Variants in CBLB observed in about 807,000 individuals in gnomAD.
CBLB encodes Cbl proto-oncogene B.
In CBLB, 31 loss-of-function variants were observed where a neutral mutation model predicts 104.9. That is an observed-to-expected ratio of 0.30 (90% CI 0.22 to 0.40). The LOEUF (loss-of-function observed/expected upper bound fraction) is 0.40. Among genes scored for constraint, CBLB ranks in the 10% least tolerant of loss-of-function variants. CBLB has a pLI of 1.00. For synonymous variants in CBLB, 440 were observed against 422.6 expected (o/e 1.04, Z -0.51); for missense variants, 1,062 against 1,214.6 (o/e 0.87, Z 1.87).
intron 5 of CBLB, 26 bp from the exon 6 acceptor site, chr3:105,746,064 AT>A: frequency 6.8e-7 from 1 of 1,461,114 alleles, no homozygotes; most frequent in Non-Finnish European, 9.6e-7. Flanking sequence ...ATTAAAAGAG[AT>A]TAGTATCTAG....
chr3:105,771,091 AC>A (rs897640575), intron 4 of CBLB, among the ~76,000 whole-genome samples: 2 of 152,158 alleles, frequency 1.3e-5, no homozygotes, highest in Non-Finnish European at 2.9e-5. Flanking sequence ...AAAAGACATA[AC>A]AACAACAAAC....
At chr3:105,678,825 C>A (rs934720755) in intron 16 of CBLB, among the ~76,000 whole-genome samples, 11 of 152,126 alleles carry the variant, frequency 7.2e-5, no homozygotes, top group South Asian at 6.2e-4. Flanking sequence ...TTCTATCAGG[C>A]CTTTTTATAA....
In CBLB at chr3:105,670,319, G is replaced by C. The variant is rs753760778; in HGVS notation, c.2603C>G (p.Pro868Arg). ...TGGTAACCTTCTAGCAGGAGGCAAA[G>C]GAACTTGGCCACTTGCTAGATCAAC... is the stretch of plus-strand genomic sequence containing the variant. Reference protein sequence around the residue: ...PFVDLASGQVPLPPARRLPGE... With the variant: ...PFVDLASGQVRLPPARRLPGE... The change falls in exon 18 of 19, where the codon CCT becomes CGT. Residue 868 changes from proline (P) to arginine (R), a missense_variant. Coordinates refer to ENST00000394030, the MANE Select transcript of CBLB (RefSeq NM_170662.5). 3 of 1,611,186 alleles carry C rather than the reference G, an allele frequency of 1.9e-6. No individual in the cohort carries two copies. The highest frequency in any genetic ancestry group is 3.3e-4 in the Middle Eastern group (2 of 6,052).
In CBLB at chr3:105,740,574, A is replaced by G; in HGVS notation, c.903T>C (p.Thr301=). ...RLGQWAIGYV[T]GDGNILQTIP... ...TGGTCTGTAAGATATTCCCATCCCC[A>G]GTCACATAGCCAATGGCCCACTGTC... Residue 301 remains threonine (T), a synonymous_variant, in exon 7 of 19, where the codon ACT becomes ACC. Transcript: ENST00000394030. 6.2e-7 allele frequency: 1 copy of G among 1,614,012 alleles called. No homozygotes were observed. Among genetic ancestry groups the G allele is most frequent in the Non-Finnish European group, 8.5e-7 (1 of 1,179,892 alleles).
chr3:105,716,845 TC>T (rs1220789083), intron 10 of CBLB, among the ~76,000 whole-genome samples: 1 of 152,142 alleles, frequency 6.6e-6, no homozygotes, highest in African/African-American at 2.4e-5. Flanking sequence ...ATGCTTGAGA[TC>T]ATCATTCTAC....
chr3:105,865,652 A>C (rs549537626), intron 2 of CBLB, among the ~76,000 whole-genome samples: 1 of 152,354 alleles, frequency 6.6e-6, no homozygotes, highest in African/African-American at 2.4e-5. Context: ...AATTGTGTAC[A>C]TCATTTTTAA....
intron 3 of CBLB, among the ~76,000 whole-genome samples, chr3:105,780,557 T>C (rs2080068254): frequency 6.6e-6 from 1 of 152,126 alleles, no homozygotes; most frequent in Non-Finnish European, 1.5e-5. Flanking sequence ...TAAGAGAAGC[T>C]ACTTATTTCC....
At chr3:105,832,215 C>T (rs1174912542) in intron 3 of CBLB, among the ~76,000 whole-genome samples, 1 of 152,076 alleles carries the variant, frequency 6.6e-6, no homozygotes, top group East Asian at 1.9e-4. Context: ...GAAACTACCC[C>T]AACAGCACCT....
At position 105,658,922 on chromosome 3, in the gene CBLB, T is replaced by C. The variant is rs775555715; in HGVS notation, c.*48A>G. The C allele has an allele frequency of 6.3e-7, 1 of 1,590,138 alleles. No homozygotes were observed. ...CTCAGTTCTCTTTATTTCCACACTC[T>C]TGGAATACATCGATTGCTTTCCATT... On this transcript the variant is annotated 3_prime_UTR_variant, in exon 19 of 19. Transcript: ENST00000394030.
chr3:105,697,106 T>C (rs936327554), intron 12 of CBLB, among the ~76,000 whole-genome samples: 1 of 151,932 alleles, frequency 6.6e-6, no homozygotes, highest in Non-Finnish European at 1.5e-5. Flanking sequence ...TCATCCTGAC[T>C]AGCTTTTCTG....
intron 2 of CBLB, among the ~76,000 whole-genome samples, chr3:105,858,356 T>A (rs1338246732): frequency 6.6e-6 from 1 of 152,152 alleles, no homozygotes. Flanking sequence ...ACCTGCTATG[T>A]GCAAGGAGCT....
intron 4 of CBLB, among the ~76,000 whole-genome samples, chr3:105,757,299 C>T (rs531322308): frequency 6.6e-6 from 1 of 152,240 alleles, no homozygotes; most frequent in South Asian, 2.1e-4. Flanking sequence ...GAACAAAGTA[C>T]TGCTACATGC....
At chr3:105,785,887 C>G (rs1054327181) in intron 3 of CBLB, among the ~76,000 whole-genome samples, 3 of 152,002 alleles carry the variant, frequency 2.0e-5, no homozygotes, top group Non-Finnish European at 4.4e-5. Flanking sequence ...GATATAGATA[C>G]CTCATAGAAA....
chr3:105,793,484 CAAAAAAA>C (rs367556783), intron 3 of CBLB, among the ~76,000 whole-genome samples: 1 of 118,590 alleles, frequency 8.4e-6, no homozygotes, highest in African/African-American at 3.1e-5. Context: ...AAATGTTTAA[CAAAAAAA>C]AAAAAAAAAA....
At chr3:105,689,505 A>T (rs1001148186) in intron 13 of CBLB, among the ~76,000 whole-genome samples, 2 of 150,924 alleles carry the variant, frequency 1.3e-5, no homozygotes, top group African/African-American at 2.4e-5. Context: ...CACAAAAAAA[A>T]TTCTTAAAAA....
intron 10 of CBLB, among the ~76,000 whole-genome samples, chr3:105,711,349 T>C (rs978499499): frequency 6.6e-6 from 1 of 152,070 alleles, no homozygotes; most frequent in Non-Finnish European, 1.5e-5. Flanking sequence ...ATAAAACTTT[T>C]ATCACATGAT....
intron 3 of CBLB, among the ~76,000 whole-genome samples, chr3:105,840,257 A>G (rs2089340221): frequency 6.6e-6 from 1 of 152,342 alleles, no homozygotes; most frequent in Non-Finnish European, 1.5e-5. Flanking sequence ...AAAAGTTACA[A>G]GTAATATTTC....
At chr3:105,733,876 A>T in intron 9 of CBLB, 133 bp downstream of exon 9, 1 of 740,032 alleles carries the variant, frequency 1.4e-6, no homozygotes, top group Non-Finnish European at 2.3e-6. Context: ...AGCAACTCAA[A>T]CATATAAAAT....
chr3:105,816,295 C>T (rs912539150), intron 3 of CBLB, among the ~76,000 whole-genome samples: 4 of 151,974 alleles, frequency 2.6e-5, no homozygotes, highest in Admixed American at 2.0e-4. Flanking sequence ...AAATTGACTG[C>T]CCTTATTAAT....
Sources: gnomAD v4.1 joint callset for allele counts (sites outside exome capture counted in the v4.1 genomes callset) on GRCh38, gnomAD v4.1.1 for gene constraint, MANE v1.5 for transcripts, NCBI Gene and HGNC (gene_info 2026-07-23, HGNC 2026-07-21) for gene names.